NFILZ: variants seen among roughly 807,000 people sequenced by gnomAD.
NFILZ encodes NFIL3 like protein.
At chr19:8,671,740 C>T (rs936885533) in intron 3 of NFILZ, among the ~76,000 whole-genome samples, 12 of 152,150 alleles carry the variant, frequency 7.9e-5, no homozygotes, top group South Asian at 2.1e-4. Flanking sequence ...CGGGATGTGC[C>T]GTGGACCTCT....
At chr19:8,672,460 A>G (rs2043092421) in intron 3 of NFILZ, among the ~76,000 whole-genome samples, 1 of 152,184 alleles carries the variant, frequency 6.6e-6, no homozygotes. Context: ...CATTCAAAAA[A>G]TCCATGCATT....
chr19:8,647,587 C>CA (rs201771278), intron 3 of NFILZ, among the ~76,000 whole-genome samples: 6,212 of 146,636 alleles, frequency 0.042, 219 homozygotes, highest in East Asian at 0.13. Flanking sequence ...CCCCCCCCCC[C>CA]AAAAAAAGGG....
At chr19:8,659,034 T>C (rs1369290920) in intron 3 of NFILZ, among the ~76,000 whole-genome samples, 13 of 151,902 alleles carry the variant, frequency 8.6e-5, no homozygotes, top group African/African-American at 3.1e-4. Flanking sequence ...TCACCTGAGG[T>C]CAGGATTTCG....
rs2043121869 is a variant in NFILZ, at chr19:8,678,070, ATCCATCAATCCATCCATC to A, written c.*436_*453del. 8.0e-4 allele frequency among the ~76,000 whole-genome samples: 3 copies of A among 3,730 alleles called. No homozygotes were observed. Among genetic ancestry groups the A allele is most frequent in the Non-Finnish European group, 1.3e-3 (2 of 1,564 alleles). 2.4% of individuals were successfully genotyped at this position (3,730 alleles called of 152,430 possible). The stretch of plus-strand genomic sequence containing the variant: ...CATCCATCCACCCATCTATTCATCC[ATCCATCAATCCATCCATC>A]CATTCCATCCATCCATCCATCCATC... On this transcript the variant is annotated 3_prime_UTR_variant, in exon 6 of 6. Transcript: ENST00000691075.
chr19:8,655,987 C>T (rs1417875991), intron 3 of NFILZ, among the ~76,000 whole-genome samples: 1 of 151,998 alleles, frequency 6.6e-6, no homozygotes, highest in East Asian at 1.9e-4. Context: ...GCTGCCCCAT[C>T]CAAGCCCTGC....
intron 3 of NFILZ, among the ~76,000 whole-genome samples, chr19:8,638,014 C>T (rs774321112): frequency 6.6e-6 from 1 of 151,670 alleles, no homozygotes; most frequent in Non-Finnish European, 1.5e-5. Context: ...CTTCATAGAC[C>T]TTTCCCCAAC....
intron 3 of NFILZ, among the ~76,000 whole-genome samples, chr19:8,664,099 G>A (rs1214007956): frequency 2.0e-5 from 3 of 152,136 alleles, no homozygotes; most frequent in African/African-American, 4.8e-5. Flanking sequence ...CGGCATCCAT[G>A]CATAACAGCC....
At chr19:8,652,991 C>CTTT (rs1600145499) in intron 3 of NFILZ, among the ~76,000 whole-genome samples, 717 of 36,534 alleles carry the variant, frequency 0.02, 48 homozygotes, top group Non-Finnish European at 0.025. Context: ...TTCCTTCCTT[C>CTTT]CTTCCTTCCT....
At chr19:8,642,197 C>T (rs1044450365) in intron 3 of NFILZ, among the ~76,000 whole-genome samples, 1 of 150,500 alleles carries the variant, frequency 6.6e-6, no homozygotes, top group East Asian at 1.9e-4. Flanking sequence ...AGTGTAGACC[C>T]GAGTTGATTC....
chr19:8,674,384 G>A (rs368763395), intron 3 of NFILZ, among the ~76,000 whole-genome samples, 167 bp from the exon 4 acceptor site: 19 of 152,130 alleles, frequency 1.2e-4, no homozygotes, highest in East Asian at 7.7e-4. Context: ...TGAAGGCTGG[G>A]AGGCAGTTTG....
At chr19:8,636,023 GA>G (rs1426602403) in intron 3 of NFILZ, among the ~76,000 whole-genome samples, 2 of 151,982 alleles carry the variant, frequency 1.3e-5, no homozygotes, top group African/African-American at 4.8e-5. Context: ...TTTTAGTAGA[GA>G]GGGGGTTTCA....
intron 4 of NFILZ, among the ~76,000 whole-genome samples, 60 bp from the exon 5 acceptor site, chr19:8,676,299 T>C (rs781947579): frequency 2.0e-5 from 3 of 152,196 alleles, no homozygotes; most frequent in Non-Finnish European, 2.9e-5. Flanking sequence ...AATAGCAGCT[T>C]ATTTTCTGAT....
intron 3 of NFILZ, among the ~76,000 whole-genome samples, chr19:8,672,936 A>G (rs962748435): frequency 2.0e-5 from 3 of 151,790 alleles, no homozygotes; most frequent in Admixed American, 2.0e-4. Context: ...TCAAAAAGCT[A>G]CCTCTGGGCT....
intron 3 of NFILZ, among the ~76,000 whole-genome samples, chr19:8,663,772 A>ATGTGTGTATGTG (rs1555749471): frequency 1.3e-5 from 1 of 77,026 alleles, no homozygotes; most frequent in Admixed American, 1.4e-4. Flanking sequence ...GTGTGTGTGT[A>ATGTGTGTATGTG]TGTATGTGTG....
chr19:8,647,780 C>T (rs1186413871), intron 3 of NFILZ, among the ~76,000 whole-genome samples: 2 of 68,116 alleles, frequency 2.9e-5, no homozygotes, highest in Non-Finnish European at 5.7e-5. Flanking sequence ...CGCACACATG[C>T]GCGCGCGCGC....
chr19:8,665,077 C>T (rs1048822193), intron 3 of NFILZ, among the ~76,000 whole-genome samples: 11 of 152,066 alleles, frequency 7.2e-5, no homozygotes, highest in South Asian at 2.1e-4. Context: ...TATATTTATT[C>T]GACTGTCTAT....
chr19:8,675,170 C>A (rs782354558), intron 4 of NFILZ, among the ~76,000 whole-genome samples: 7 of 152,196 alleles, frequency 4.6e-5, no homozygotes, highest in Non-Finnish European at 7.3e-5. Context: ...ATGGAGATGA[C>A]AGTCATCGGT....
At chr19:8,665,610 G>A (rs60015866) in intron 3 of NFILZ, among the ~76,000 whole-genome samples, 5,926 of 152,178 alleles carry the variant, frequency 0.039, 375 homozygotes, top group African/African-American at 0.13. Context: ...CAAAGTGCTG[G>A]AATTACAGGC....
At chr19:8,666,545 TAACCTTG>T (rs1230754662) in intron 3 of NFILZ, among the ~76,000 whole-genome samples, 3 of 152,140 alleles carry the variant, frequency 2.0e-5, no homozygotes, top group Admixed American at 6.5e-5. Flanking sequence ...CCTATGATGA[TAACCTTG>T]AACCCCTTTT....
Sources: gnomAD v4.1 joint callset for allele counts (sites outside exome capture counted in the v4.1 genomes callset) on GRCh38, gnomAD v4.1.1 for gene constraint, MANE v1.5 for transcripts, NCBI Gene and HGNC (gene_info 2026-07-23, HGNC 2026-07-21) for gene names.